PKD1L3: variants seen among roughly 807,000 people sequenced by gnomAD.
PKD1L3 encodes polycystin-1-like protein 3.
A neutral mutation model predicts 184.1 loss-of-function variants in PKD1L3; 239 were observed. The ratio of observed to expected loss-of-function variants is 1.30; its 90% CI spans 1.17 to 1.45. PKD1L3 has a LOEUF of 1.45. PKD1L3 is among the 40% of genes most tolerant of loss of function. The pLI is 0.00. For synonymous variants in PKD1L3, 996 were observed against 778.8 expected, an observed-to-expected ratio of 1.28 and a Z score of -4.64; for missense variants, 2,660 against 2,067.2, an observed-to-expected ratio of 1.29 and a Z score of -5.56.
intron 3 of PKD1L3, 41 bp downstream of exon 3, chr16:71,993,175 T>G (rs921264767): frequency 9.5e-6 from 13 of 1,361,910 alleles, no homozygotes; most frequent in South Asian, 8.0e-5. Flanking sequence ...CAGAAATTGA[T>G]TCCACGGATT....
At chr16:71,977,551 G>A (rs1559398) in intron 10 of PKD1L3, 84 bp from the exon 11 acceptor site, 725,667 of 927,628 alleles carry the variant, frequency 0.78, 287,405 homozygotes, top group South Asian at 0.86. Context: ...GTAAGGAAAC[G>A]TCCTAGCTCT....
chr16:71,981,604 G>C (rs1434813023), intron 7 of PKD1L3, among the ~76,000 whole-genome samples: 1 of 137,676 alleles, frequency 7.3e-6, no homozygotes, highest in African/African-American at 2.7e-5. Context: ...GCAGTGGCAT[G>C]ATCTCGATTC....
chr16:71,969,985 G>C lies in PKD1L3; in HGVS notation c.2074C>G (p.Leu692Val). 6.4e-7 allele frequency: 1 copy of C among 1,551,770 alleles called. No homozygotes were observed. Residue 692 changes from leucine to valine, a missense_variant, in exon 13 of 30, where the codon CTT becomes GTT. Coordinates refer to ENST00000620267, the MANE Select transcript of PKD1L3 (RefSeq NM_181536.2). ...VNVEDTIKLF[L>V]RVTNNPVGVS... ...CCAACAGGATTGTTGGTCACGCGAA[G>C]GAACAGTTTGATCGTGTCTTCAACA...
chr16:71,987,164 C>A (rs902689501), intron 4 of PKD1L3, among the ~76,000 whole-genome samples: 1 of 151,186 alleles, frequency 6.6e-6, no homozygotes, highest in South Asian at 2.1e-4. Context: ...ACCTTGTGAT[C>A]CACCCACCTT....
At chr16:71,962,087 G>C (rs1463471845) in intron 16 of PKD1L3, among the ~76,000 whole-genome samples, 3 of 139,632 alleles carry the variant, frequency 2.1e-5, no homozygotes, top group Non-Finnish European at 4.7e-5. Context: ...ACCAAGTCTG[G>C]CTAATTTTTG....
At chr16:71,935,222 T>C in intron 26 of PKD1L3, 136 bp downstream of exon 26, 22 of 922,026 alleles carry the variant, frequency 2.4e-5, no homozygotes, top group Non-Finnish European at 3.3e-5. Context: ...GCTGTGGACA[T>C]GAGTCCAAGT....
In PKD1L3 at chr16:71,981,535, CTTT is replaced by C. The variant is rs543488508; in HGVS notation, c.1143+521_1143+523del. ...CTTTATGCCAACACTTTCCTAAATT[CTTT>C]TTTTTTTTTTTTTTTTTTTTTTTTA... On this transcript the variant is annotated intron_variant, in intron 7 of 29. Transcript: ENST00000620267. 7.5e-3 allele frequency among the ~76,000 whole-genome samples: 788 copies of C among 104,962 alleles called. 2 individuals are homozygous for C. The highest frequency in any genetic ancestry group is 0.027 in the African/African-American group (729 of 26,858). The allele number at this position is 104,962 out of a possible 152,430, so 68.9% of individuals were successfully genotyped here.
At chr16:71,970,951 T>C (rs2039687800) in intron 12 of PKD1L3, among the ~76,000 whole-genome samples, 1 of 152,228 alleles carries the variant, frequency 6.6e-6, no homozygotes, top group South Asian at 2.1e-4. Context: ...CTAAGAAGCA[T>C]GCAAAACACT....
chr16:71,982,442 T>C (rs1035782410), intron 6 of PKD1L3, among the ~76,000 whole-genome samples: 1 of 151,702 alleles, frequency 6.6e-6, no homozygotes, highest in Non-Finnish European at 1.5e-5. Context: ...TGAGCCACCA[T>C]GCTCAACTAA....
intron 7 of PKD1L3, among the ~76,000 whole-genome samples, chr16:71,980,927 ATG>A (rs1298964479): frequency 6.6e-6 from 1 of 152,202 alleles, no homozygotes; most frequent in East Asian, 1.9e-4. Flanking sequence ...AATCTACTTT[ATG>A]TGTCTACAGA....
chr16:71,999,424 C>CGTA (rs1373698146), intron 1 of PKD1L3, among the ~76,000 whole-genome samples: 1 of 152,050 alleles, frequency 6.6e-6, no homozygotes, highest in African/African-American at 2.4e-5. Flanking sequence ...GTCTTTGGAA[C>CGTA]GTAGCATAAT....
chr16:71,942,734 C>T lies in PKD1L3; in HGVS notation c.4150G>A (p.Ala1384Thr), dbSNP rs769970878. The T allele has an allele frequency of 3.4e-5, 53 of 1,551,572 alleles. No homozygotes were observed. Among genetic ancestry groups the T allele is most frequent in the Admixed American group, 2.0e-5 (1 of 50,974 alleles). Residue 1384 changes from alanine to threonine, a missense_variant, in exon 24 of 30, where the codon GCG (alanine) becomes ACG (threonine). Ala to Thr is a moderately conservative substitution (Grantham distance 58). Coordinates refer to ENST00000620267, the MANE Select transcript of PKD1L3 (RefSeq NM_181536.2). The stretch of plus-strand genomic sequence containing the variant: ...CAGGTATGGCCGTTATCACAAAACG[C>T]CAGCTGACCTTCGTCCACTTTCTCA... ...TYEKVDEGQL[A>T]FCDNGHTCGR...
At chr16:71,992,763 G>C (rs531134686) in intron 3 of PKD1L3, among the ~76,000 whole-genome samples, 1 of 152,252 alleles carries the variant, frequency 6.6e-6, no homozygotes, top group Admixed American at 6.5e-5. Flanking sequence ...GAGTGATCAC[G>C]AGATCCACTT....
At chr16:71,945,150 C>T (rs1345877169) in intron 22 of PKD1L3, among the ~76,000 whole-genome samples, 2 of 122,144 alleles carry the variant, frequency 1.6e-5, no homozygotes, top group African/African-American at 5.8e-5. Context: ...GTGGATCACA[C>T]TTTGGGAGCA....
Position 71,953,043 on chromosome 16 carries a change from C to T in PKD1L3, c.2860G>A (p.Ala954Thr). Residue 954 changes from alanine to threonine, a missense_variant, in exon 18 of 30, where the codon GCT becomes ACT. Physicochemically the swap from Ala to Thr is moderately conservative, Grantham distance 58. Transcript: ENST00000620267. Reference sequence around the variant, plus strand: ...AGATTGATTGGGAAGAGGATGACAGCAGTATGGATGCTGACCAGCAGTTCA... The same window carrying T: ...AGATTGATTGGGAAGAGGATGACAGTAGTATGGATGCTGACCAGCAGTTCA... ...WSELLVSIHT[A>T]VILFPINLVI... is the part of the protein sequence containing the mutation. 1 of 1,546,872 alleles carries T rather than the reference C, an allele frequency of 6.5e-7. No homozygotes were observed. Among genetic ancestry groups the T allele is most frequent in the East Asian group, 2.5e-5 (1 of 40,568 alleles).
intron 4 of PKD1L3, among the ~76,000 whole-genome samples, chr16:71,989,622 T>C (rs767854267): frequency 6.6e-6 from 1 of 152,254 alleles, no homozygotes; most frequent in Non-Finnish European, 1.5e-5. Flanking sequence ...GGACAGTTTC[T>C]ACCTTTATTT....
At position 71,970,105 on chromosome 16, in the gene PKD1L3, C is replaced by A. The variant is rs779537538; in HGVS notation, c.1954G>T (p.Val652Phe). 3 of 1,550,732 alleles carry A rather than the reference C, an allele frequency of 1.9e-6. No individual in the cohort carries two copies. The highest frequency in any genetic ancestry group is 2.6e-6 in the Non-Finnish European group (3 of 1,146,276). ...NQTWSSAGCQ[V>F]GPQSTILRTQ... Reference sequence around the variant, plus strand: ...CTCAGAATTGTGCTCTGTGGCCCAACCTGGAATTAGAATCAAGACGTTGAT... The same window carrying A: ...CTCAGAATTGTGCTCTGTGGCCCAAACTGGAATTAGAATCAAGACGTTGAT... Residue 652 changes from valine (V) to phenylalanine (F), a missense_variant and splice_region_variant, in exon 13 of 30, where the codon GTT becomes TTT. Transcript: ENST00000620267.
At chr16:71,950,058 G>C (rs1461254069) in intron 20 of PKD1L3, 41 bp from the exon 21 acceptor site, 2 of 1,549,310 alleles carry the variant, frequency 1.3e-6, no homozygotes, top group Non-Finnish European at 1.7e-6. Context: ...GTATGCATCG[G>C]CTGAGATAGA....
At chr16:71,967,875 A>G (rs1248705696) in intron 14 of PKD1L3, 31 bp downstream of exon 14, 11 of 1,513,432 alleles carry the variant, frequency 7.3e-6, no homozygotes, top group Non-Finnish European at 9.9e-6. Context: ...AGAAGACACA[A>G]GGCAATGTGA....
Sources: allele counts gnomAD v4.1 joint callset (sites outside exome capture counted in the v4.1 genomes callset), GRCh38; gene constraint gnomAD v4.1.1; transcripts MANE v1.5; gene names NCBI Gene and HGNC (gene_info 2026-07-23, HGNC 2026-07-21).